UBE2U: variants seen among roughly 807,000 people sequenced by gnomAD.
The protein encoded by UBE2U is ubiquitin conjugating enzyme E2 U.
In UBE2U, 39 loss-of-function variants were observed where a neutral mutation model predicts 41.2. That is an observed-to-expected ratio of 0.95 (90% CI 0.73 to 1.24). The LOEUF (loss-of-function observed/expected upper bound fraction) is 1.24, where lower values mean the gene tolerates loss of function less well. Among genes scored for constraint, UBE2U ranks in the 50% most tolerant of loss-of-function variants. The pLI is 0.00. For synonymous variants in UBE2U, 107 were observed against 117.8 expected, an observed-to-expected ratio of 0.91 and a Z score of 0.60; for missense variants, 336 against 363.1, an observed-to-expected ratio of 0.93 and a Z score of 0.61.
intron 8 of UBE2U, among the ~76,000 whole-genome samples, chr1:64,246,814 G>GA (rs1395189626): frequency 1.3e-5 from 2 of 152,158 alleles, no homozygotes; most frequent in Non-Finnish European, 2.9e-5. Flanking sequence ...AAGATGTGCA[G>GA]AAAAGGTTAA....
Position 64,219,680 on chromosome 1 carries a change from C to T in UBE2U, c.458-1179C>T, listed in dbSNP as rs573927944. Among the ~76,000 whole-genome samples the T allele has an allele frequency of 3.9e-5, 6 of 151,958 alleles. No individual in the cohort carries two copies. The South Asian group carries it at 1.2e-3, about 32-fold the overall frequency. On this transcript the variant is annotated intron_variant, in intron 5 of 9. Coordinates refer to ENST00000371077, the MANE Select transcript of UBE2U (RefSeq NM_001366232.2). ...CGGCAATCTGGGCTCACTGCAAGCT[C>T]CACCTCCTGGGTTCACGCCATTCTC...
intron 8 of UBE2U, among the ~76,000 whole-genome samples, chr1:64,255,678 G>T (rs1645078818): frequency 6.6e-6 from 1 of 151,748 alleles, no homozygotes; most frequent in Non-Finnish European, 1.5e-5. Context: ...GGCAAAAGCT[G>T]GAAGCATTCC....
rs187383836 is a variant in UBE2U at position 64,239,023 on chromosome 1, C to G, written c.596-2629C>G. Among the ~76,000 whole-genome samples, 8 of 144,414 alleles carry G rather than the reference C, an allele frequency of 5.5e-5. No homozygotes were observed. The East Asian group carries it at 1.7e-3, about 30-fold the overall frequency. The allele number at this position is 144,414 out of a possible 152,430, so 94.7% of individuals were successfully genotyped here. ...TGCCACTGCACTCCAGCCTGGGTGA[C>G]AAAGTGAGACCCCCATCTCAAAAAG... is the stretch of plus-strand genomic sequence containing the variant. On this transcript the variant is annotated intron_variant, in intron 7 of 9. Coordinates refer to ENST00000371077, the MANE Select transcript of UBE2U (RefSeq NM_001366232.2).
chr1:64,204,331 A>T (rs1008020185), intron 1 of UBE2U, among the ~76,000 whole-genome samples: 1 of 152,220 alleles, frequency 6.6e-6, no homozygotes, highest in Admixed American at 6.5e-5. Context: ...TATTGAACAT[A>T]TTATGCAGAG....
intron 8 of UBE2U, among the ~76,000 whole-genome samples, chr1:64,242,962 T>C (rs1273059136): frequency 6.6e-6 from 1 of 152,192 alleles, no homozygotes; most frequent in Admixed American, 6.5e-5. Context: ...CATCGATTCA[T>C]TATGTAATGC....
chr1:64,244,545 T>A (rs1644889489), intron 8 of UBE2U, among the ~76,000 whole-genome samples: 1 of 152,112 alleles, frequency 6.6e-6, no homozygotes, highest in South Asian at 2.1e-4. Context: ...ATAACTACAT[T>A]TATTGTAGTT....
chr1:64,205,720 G>C lies in UBE2U; in HGVS notation c.148G>C (p.Gly50Arg), dbSNP rs754709262. The C allele has an allele frequency of 1.9e-6, 3 of 1,609,820 alleles. No individual in the cohort carries two copies. Among genetic ancestry groups the C allele is most frequent in the Non-Finnish European group, 2.5e-6 (3 of 1,178,070 alleles). The change falls in exon 2 of 10, where the codon GGT becomes CGT. Residue 50 changes from glycine (G) to arginine (R), a missense_variant and splice_region_variant. By Grantham distance (125) the Gly-to-Arg change is moderately radical. Transcript: ENST00000371077. The part of the protein sequence containing the change: ...IEGLQNSVWQ[G>R]LVFQLTIHFT... ...AGGTCTACAGAATTCAGTTTGGCAG[G>C]GTTTGTATTTTCAAAACCAATCTAT...
chr1:64,256,557 G>A (rs1645094854), intron 8 of UBE2U, among the ~76,000 whole-genome samples: 1 of 152,130 alleles, frequency 6.6e-6, no homozygotes. Context: ...GGGAAAACTA[G>A]CTAGCCATAT....
At chr1:64,256,309 A>C (rs1011194043) in intron 8 of UBE2U, among the ~76,000 whole-genome samples, 5 of 152,208 alleles carry the variant, frequency 3.3e-5, no homozygotes, top group Non-Finnish European at 7.3e-5. Flanking sequence ...CCAAGTAGCC[A>C]AGACAATCCT....
chr1:64,262,477 A>T (rs1294589661), intron 9 of UBE2U, among the ~76,000 whole-genome samples: 1 of 152,154 alleles, frequency 6.6e-6, no homozygotes, highest in African/African-American at 2.4e-5. Context: ...TCTGCTTCCC[A>T]GCCCAGTGAG....
At chr1:64,244,113 C>G in intron 8 of UBE2U, 1 of 1,586,930 alleles carries the variant, frequency 6.3e-7, no homozygotes, top group Non-Finnish European at 8.6e-7. Flanking sequence ...TTACTGTGGC[C>G]CTCATTCAAT....
intron 3 of UBE2U, among the ~76,000 whole-genome samples, chr1:64,208,588 A>C (rs568701329): frequency 8.1e-6 from 1 of 123,574 alleles, no homozygotes; most frequent in African/African-American, 3.0e-5. Context: ...TGGGCAACAG[A>C]ACAAGACGCT....
intron 6 of UBE2U, among the ~76,000 whole-genome samples, chr1:64,230,808 A>AT (rs1644550051): frequency 2.0e-5 from 3 of 152,210 alleles, no homozygotes; most frequent in South Asian, 4.1e-4. Context: ...TATATATCTT[A>AT]TTTTTTCCAA....
chr1:64,239,065 AGAGGAAGAG>A (rs1644729661), intron 7 of UBE2U, among the ~76,000 whole-genome samples: 2 of 67,454 alleles, frequency 3.0e-5, no homozygotes, highest in Admixed American at 2.0e-4. Context: ...AAGAAGAAGA[AGAGGAAGAG>A]GAAGAGGAAG....
At chr1:64,235,049 A>G (rs937393274) in intron 7 of UBE2U, among the ~76,000 whole-genome samples, 5 of 152,218 alleles carry the variant, frequency 3.3e-5, no homozygotes, top group African/African-American at 1.2e-4. Context: ...AAATAGAAGC[A>G]TGTGCCAAAA....
chr1:64,229,191 C>T (rs1653110580), intron 6 of UBE2U, among the ~76,000 whole-genome samples: 2 of 152,124 alleles, frequency 1.3e-5, no homozygotes, highest in South Asian at 4.1e-4. Context: ...GACGGGGTTT[C>T]ACCATGTTGG....
At chr1:64,247,220 A>G (rs1415178204) in intron 8 of UBE2U, among the ~76,000 whole-genome samples, 1 of 152,084 alleles carries the variant, frequency 6.6e-6, no homozygotes, top group Non-Finnish European at 1.5e-5. Context: ...TCATTCCATC[A>G]ATTTCTCTCT....
At chr1:64,252,906 G>A (rs1645034140) in intron 8 of UBE2U, among the ~76,000 whole-genome samples, 3 of 152,308 alleles carry the variant, frequency 2.0e-5, no homozygotes, top group South Asian at 4.1e-4. Context: ...ACTGGGCTGA[G>A]GCTGAGATGG....
At chr1:64,253,486 A>T (rs545762535) in intron 8 of UBE2U, among the ~76,000 whole-genome samples, 2 of 152,188 alleles carry the variant, frequency 1.3e-5, no homozygotes, top group Non-Finnish European at 2.9e-5. Flanking sequence ...GGTCGAAATG[A>T]AGGAAAAAAT....
Sources: allele counts gnomAD v4.1 joint callset (sites outside exome capture counted in the v4.1 genomes callset), GRCh38; gene constraint gnomAD v4.1.1; transcripts MANE v1.5; gene names NCBI Gene and HGNC (gene_info 2026-07-23, HGNC 2026-07-21).